The following HDAC9 variants were observed in gnomAD, a reference collection of about 807,000 sequenced individuals.
HDAC9 encodes MEF-2 interacting transcription repressor (MITR) protein.
A neutral mutation model predicts 139.4 loss-of-function variants in HDAC9; 41 were observed. The observed-to-expected ratio is 0.29, with a 90% CI of 0.23 to 0.38. The LOEUF (loss-of-function observed/expected upper bound fraction) is 0.38, where lower values mean the gene tolerates loss of function less well. Ranked by LOEUF, HDAC9 falls within the 10% of genes least tolerant of loss-of-function variation. HDAC9 has a pLI of 1.00. For missense variants in HDAC9, 1,147 were observed against 1,297.0 expected (o/e 0.88, Z 1.78); for synonymous variants, 517 against 476.2 (o/e 1.09, Z -1.12).
At chr7:18,107,530 G>A (rs932848882) in intron 1 of HDAC9, among the ~76,000 whole-genome samples, 1 of 150,018 alleles carries the variant, frequency 6.7e-6, no homozygotes, top group Non-Finnish European at 1.5e-5. Context: ...TCTCTCACAC[G>A]CACACACACA....
intron 23 of HDAC9, among the ~76,000 whole-genome samples, chr7:18,944,360 A>T (rs1435244848): frequency 6.6e-6 from 1 of 152,142 alleles, no homozygotes; most frequent in Admixed American, 6.5e-5. Context: ...CTTTCTTTGT[A>T]AGTAAATTTG....
intron 22 of HDAC9, among the ~76,000 whole-genome samples, chr7:18,916,190 A>G (rs1803194878): frequency 6.6e-6 from 1 of 152,002 alleles, no homozygotes; most frequent in Non-Finnish European, 1.5e-5. Flanking sequence ...ACTAGCGTGA[A>G]TATGAAATGT....
intron 1 of HDAC9, among the ~76,000 whole-genome samples, chr7:18,421,243 G>A (rs1201039520): frequency 6.6e-6 from 1 of 152,068 alleles, no homozygotes; most frequent in African/African-American, 2.4e-5. Context: ...TAGTTTAAAA[G>A]TAGTTCTTTA....
At chr7:18,340,109 T>A (rs1346347714) in intron 1 of HDAC9, among the ~76,000 whole-genome samples, 1 of 151,570 alleles carries the variant, frequency 6.6e-6, no homozygotes, top group Non-Finnish European at 1.5e-5. Context: ...TGCTATATCC[T>A]CTTGATAAAT....
chr7:18,212,056 A>G (rs1791973760), intron 2 of HDAC9, among the ~76,000 whole-genome samples: 1 of 152,182 alleles, frequency 6.6e-6, no homozygotes, highest in African/African-American at 2.4e-5. Flanking sequence ...AGAGGCTTAT[A>G]AAAATTAGAA....
At position 18,377,414 on chromosome 7, in the gene HDAC9, T is replaced by C. The variant is rs1300788870; in HGVS notation, c.-42+86899T>C. 9.9e-5 allele frequency among the ~76,000 whole-genome samples: 15 copies of C among 152,176 alleles called. 1 individual carries two copies. Among genetic ancestry groups the C allele is most frequent in the Admixed American group, 9.8e-4 (15 of 15,284 alleles). Reference sequence around the variant, plus strand: ...ATGAGCATAAGTTTTATGTACAAAATGTTGTCAATATTTTTCTAGTCAGTA... The same window carrying C: ...ATGAGCATAAGTTTTATGTACAAAACGTTGTCAATATTTTTCTAGTCAGTA... On this transcript the variant is annotated intron_variant, in intron 1 of 3. Transcript: ENST00000413509.
At chr7:18,105,930 T>A (rs996078357) in intron 1 of HDAC9, among the ~76,000 whole-genome samples, 2 of 152,206 alleles carry the variant, frequency 1.3e-5, no homozygotes, top group East Asian at 1.9e-4. Flanking sequence ...ATGCTACACC[T>A]GGGTGAACCT....
chr7:18,184,027 A>T (rs1170423964), intron 2 of HDAC9, among the ~76,000 whole-genome samples: 1 of 152,180 alleles, frequency 6.6e-6, no homozygotes, highest in African/African-American at 2.4e-5. Flanking sequence ...CATGTTGAGT[A>T]TTCCTCATCT....
At chr7:18,628,555 T>G (rs1040938315) in intron 6 of HDAC9, among the ~76,000 whole-genome samples, 1 of 152,194 alleles carries the variant, frequency 6.6e-6, no homozygotes, top group East Asian at 1.9e-4. Flanking sequence ...TTCTAAAGTA[T>G]AATTATTTTG....
intron 1 of HDAC9, among the ~76,000 whole-genome samples, chr7:18,149,846 G>A (rs1053403686): frequency 2.6e-5 from 4 of 152,026 alleles, no homozygotes; most frequent in East Asian, 3.9e-4. Flanking sequence ...AAGCCACTGC[G>A]CCCAGCCCAG....
At chr7:18,843,221 T>G (rs1796699248) in intron 21 of HDAC9, among the ~76,000 whole-genome samples, 1 of 152,180 alleles carries the variant, frequency 6.6e-6, no homozygotes, top group Non-Finnish European at 1.5e-5. Flanking sequence ...TAGAAGTGAT[T>G]TGTTTTTGTT....
At chr7:18,522,442 A>G (rs1265260626) in intron 2 of HDAC9, among the ~76,000 whole-genome samples, 2 of 152,000 alleles carry the variant, frequency 1.3e-5, no homozygotes, top group Admixed American at 6.6e-5. Flanking sequence ...GTCTGGCCAC[A>G]TTTTCATTTC....
chr7:18,125,801 G>A (rs917148032), intron 1 of HDAC9, among the ~76,000 whole-genome samples: 4 of 152,074 alleles, frequency 2.6e-5, no homozygotes, highest in African/African-American at 9.7e-5. Context: ...CAACTTCCTT[G>A]TGTTTCCTTC....
chr7:18,587,130 T>C (rs73685118), intron 3 of HDAC9, among the ~76,000 whole-genome samples: 9,592 of 152,268 alleles, frequency 0.063, 362 homozygotes, highest in East Asian at 0.097. Flanking sequence ...TTTTCATTTA[T>C]ATTGCTGCCT....
At chr7:18,102,916 T>C (rs1450565540) in intron 1 of HDAC9, among the ~76,000 whole-genome samples, 1 of 152,214 alleles carries the variant, frequency 6.6e-6, no homozygotes, top group African/African-American at 2.4e-5. Context: ...ACTTTAAGAA[T>C]GGCAGAGCAA....
At chr7:18,618,729 TA>T (rs2128934133) in intron 6 of HDAC9, among the ~76,000 whole-genome samples, 1 of 13,366 alleles carries the variant, frequency 7.5e-5, no homozygotes, top group African/African-American at 9.2e-4. Context: ...GAATTTTGTA[TA>T]TATATATATA....
chr7:18,626,846 A>G (rs981343807), intron 6 of HDAC9, among the ~76,000 whole-genome samples: 4 of 152,040 alleles, frequency 2.6e-5, no homozygotes, highest in Non-Finnish European at 5.9e-5. Context: ...GGCATATGCT[A>G]TTTTTCCAAT....
intron 1 of HDAC9, among the ~76,000 whole-genome samples, chr7:18,438,584 A>T (rs1362557650): frequency 1.3e-5 from 2 of 151,914 alleles, no homozygotes; most frequent in Non-Finnish European, 2.9e-5. Flanking sequence ...ACATATGTCT[A>T]GACATGGAAA....
chr7:18,392,296 C>A (rs893471562), intron 1 of HDAC9, among the ~76,000 whole-genome samples: 1 of 123,898 alleles, frequency 8.1e-6, no homozygotes, highest in Non-Finnish European at 1.6e-5. Flanking sequence ...CTCTGTCTCT[C>A]TCTCTCTCTC....
Sources: gnomAD v4.1 joint callset for allele counts (sites outside exome capture counted in the v4.1 genomes callset) on GRCh38, gnomAD v4.1.1 for gene constraint, MANE v1.5 for transcripts, NCBI Gene and HGNC (gene_info 2026-07-23, HGNC 2026-07-21) for gene names.